The following PSD3 variants were observed in gnomAD, a reference collection of about 807,000 sequenced individuals.
The protein encoded by PSD3 is PH and SEC7 domain-containing protein 3.
PSD3 carries 49 observed loss-of-function variants against 105.5 expected under a neutral mutation model. That is an observed-to-expected ratio of 0.46 (90% CI 0.37 to 0.59). PSD3 has a LOEUF of 0.59. PSD3 is among the 20% of genes least tolerant of loss of function. The pLI is 0.00. For synonymous variants in PSD3, 557 were observed against 457.8 expected (o/e 1.22, Z -2.77); for missense variants, 1,561 against 1,263.8 (o/e 1.24, Z -3.57).
intron 9 of PSD3, among the ~76,000 whole-genome samples, chr8:18,685,354 T>C (rs568166462): frequency 6.4e-4 from 97 of 152,266 alleles, no homozygotes; most frequent in Middle Eastern, 3.4e-3. Context: ...CAGAGGGTGA[T>C]GTTTGACCCT....
chr8:18,917,386 G>C (rs781148607), intron 2 of PSD3, among the ~76,000 whole-genome samples: 21 of 152,266 alleles, frequency 1.4e-4, no homozygotes, highest in Non-Finnish European at 2.2e-4. Flanking sequence ...ACAGCTAAAA[G>C]TGATCATGGC....
rs185319661 is a variant in PSD3, at chr8:18,765,882, C to A, written c.2083-344G>T. ...ACTCGGGAGGCTGAGGCAGGAGAAT[C>A]GCTTGAACCCGGGAGGCAGAGGTTG... On this transcript the variant is annotated intron_variant, in intron 8 of 15. Transcript: ENST00000327040. Among the ~76,000 whole-genome samples the A allele has an allele frequency of 2.9e-3, 446 of 151,696 alleles. 1 individual carries two copies. The highest frequency in any genetic ancestry group is 0.01 in the African/African-American group (419 of 41,352).
At chr8:18,749,637 G>C (rs1307368912) in intron 9 of PSD3, among the ~76,000 whole-genome samples, 1 of 152,014 alleles carries the variant, frequency 6.6e-6, no homozygotes, top group Admixed American at 6.6e-5. Flanking sequence ...CCTTCAAAGA[G>C]GAAGGGAGAA....
chr8:18,769,953 G>T (rs2129444186), intron 8 of PSD3, among the ~76,000 whole-genome samples: 1 of 152,178 alleles, frequency 6.6e-6, no homozygotes, highest in Non-Finnish European at 1.5e-5. Context: ...TCATGTATAA[G>T]TTTCTGTGTA....
intron 9 of PSD3, among the ~76,000 whole-genome samples, chr8:18,711,543 T>C (rs1271442864): frequency 6.6e-6 from 1 of 152,118 alleles, no homozygotes; most frequent in East Asian, 1.9e-4. Flanking sequence ...GTGCCTCACA[T>C]AACGGTAAAG....
rs572493278 is a variant in PSD3, at chr8:18,761,300, GT to G, written c.2172+4148del. On this transcript the variant is annotated intron_variant, in intron 9 of 15. Transcript: ENST00000327040. ...AGCTAAAAAGGGATGGTGGGTAGAGGTTTTGACTACTGCCGCTAATCTCACT... is the reference window on the plus strand; with the variant it reads ...AGCTAAAAAGGGATGGTGGGTAGAGGTTTGACTACTGCCGCTAATCTCACT... Among the ~76,000 whole-genome samples, 403 of 152,246 alleles carry G rather than the reference GT, an allele frequency of 2.6e-3. 1 individual carries two copies. The highest frequency in any genetic ancestry group is 9.1e-3 in the African/African-American group (379 of 41,548).
At chr8:18,955,260 A>G (rs1255297349) in intron 1 of PSD3, among the ~76,000 whole-genome samples, 2 of 152,120 alleles carry the variant, frequency 1.3e-5, no homozygotes, top group East Asian at 3.9e-4. Context: ...GTGTTTTTAG[A>G]GACAGGGTCT....
At chr8:18,885,197 T>G (rs1056280726) in intron 2 of PSD3, among the ~76,000 whole-genome samples, 2 of 152,232 alleles carry the variant, frequency 1.3e-5, no homozygotes, top group African/African-American at 4.8e-5. Flanking sequence ...TCATCCATTC[T>G]GTCCACTTTC....
At chr8:18,723,167 G>T (rs1585732303) in intron 9 of PSD3, among the ~76,000 whole-genome samples, 2 of 152,238 alleles carry the variant, frequency 1.3e-5, no homozygotes, top group Middle Eastern at 6.8e-3. Flanking sequence ...TTCCTCCGTG[G>T]GCAGTGCATG....
chr8:18,949,083 G>A (rs538499076), intron 1 of PSD3, among the ~76,000 whole-genome samples: 7 of 149,270 alleles, frequency 4.7e-5, no homozygotes, highest in Non-Finnish European at 8.9e-5. Context: ...TTAGCCGGGC[G>A]TGGTGGCGGG....
At chr8:19,057,525 T>A (rs971946498) in intron 1 of PSD3, among the ~76,000 whole-genome samples, 2 of 152,210 alleles carry the variant, frequency 1.3e-5, no homozygotes, top group African/African-American at 4.8e-5. Context: ...TACCAGTTGT[T>A]AAATATTGAA....
chr8:19,071,726 C>CT (rs386412231), intron 1 of PSD3, among the ~76,000 whole-genome samples: 4 of 151,860 alleles, frequency 2.6e-5, no homozygotes, highest in Admixed American at 1.3e-4. Flanking sequence ...TCTTCTTCTT[C>CT]TTTTTATTTT....
At chr8:18,978,094 T>C (rs1390016170) in intron 1 of PSD3, among the ~76,000 whole-genome samples, 1 of 152,160 alleles carries the variant, frequency 6.6e-6, no homozygotes, top group Non-Finnish European at 1.5e-5. Flanking sequence ...CACCTGACTT[T>C]AGGGAGGAAT....
intron 2 of PSD3, among the ~76,000 whole-genome samples, chr8:18,892,626 CTTT>C (rs111896561): frequency 1.5e-4 from 20 of 133,046 alleles, no homozygotes; most frequent in African/African-American, 1.7e-4. Flanking sequence ...TCCTAATTTT[CTTT>C]TTTTTTTTTT....
At chr8:18,686,191 A>T (rs943911434) in intron 9 of PSD3, among the ~76,000 whole-genome samples, 1 of 152,152 alleles carries the variant, frequency 6.6e-6, no homozygotes, top group African/African-American at 2.4e-5. Context: ...CTCCACTAAT[A>T]ACCACTTTCA....
chr8:18,704,805 A>G (rs1801795009), intron 9 of PSD3, among the ~76,000 whole-genome samples: 4 of 152,218 alleles, frequency 2.6e-5, no homozygotes, highest in Admixed American at 1.3e-4. Flanking sequence ...TAATATGTTA[A>G]AAGACAAACC....
chr8:18,601,234 T>C (rs1389168219), intron 11 of PSD3, among the ~76,000 whole-genome samples: 1 of 152,234 alleles, frequency 6.6e-6, no homozygotes, highest in Non-Finnish European at 1.5e-5. Context: ...CAAATTGTTC[T>C]AAAGCAAAAA....
At chr8:18,728,347 C>A (rs758273810) in intron 9 of PSD3, among the ~76,000 whole-genome samples, 1 of 152,206 alleles carries the variant, frequency 6.6e-6, no homozygotes, top group Non-Finnish European at 1.5e-5. Context: ...TAGAAACATT[C>A]AACAAAGTCA....
At chr8:18,898,749 CA>C (rs1228010940) in intron 2 of PSD3, among the ~76,000 whole-genome samples, 1 of 151,978 alleles carries the variant, frequency 6.6e-6, no homozygotes, top group East Asian at 1.9e-4. Context: ...ATTTACTATT[CA>C]TTAAGTGGAA....
Sources: gnomAD v4.1 joint callset for allele counts (sites outside exome capture counted in the v4.1 genomes callset) on GRCh38, gnomAD v4.1.1 for gene constraint, MANE v1.5 for transcripts, NCBI Gene and HGNC (gene_info 2026-07-23, HGNC 2026-07-21) for gene names.